FAM149B1: variants seen among roughly 807,000 people sequenced by gnomAD.
FAM149B1 encodes the protein family with sequence similarity 149 member B1, also known as primary cilium assembly protein FAM149B1.
Under a neutral mutation model 75.3 loss-of-function variants are expected in FAM149B1, and 56 were observed. That is an observed-to-expected ratio of 0.74 (90% CI 0.60 to 0.93). The LOEUF (loss-of-function observed/expected upper bound fraction) is 0.93, where lower values mean the gene tolerates loss of function less well. Ranked by LOEUF, FAM149B1 falls within the 40% of genes least tolerant of loss-of-function variation. FAM149B1 has a pLI of 0.00. For missense variants in FAM149B1, 639 were observed against 708.4 expected (o/e 0.90, Z 1.11); for synonymous variants, 259 against 256.1 (o/e 1.01, Z -0.11).
Position 73,239,315 on chromosome 10 carries a change from G to C in FAM149B1, c.1606G>C (p.Asp536His). ...RPNTTQSFLL[D>H]TQYRRSCAVE... ...TGTCTCCTCTTTTGTCTTGTAGCTG[G>C]ATACACAGTATCGTCGCTCATGTGC... The change falls in exon 13 of 14, where the codon GAT becomes CAT. Residue 536 changes from aspartate (D) to histidine (H), a missense_variant. Asp to His is a moderately conservative substitution (Grantham distance 81, BLOSUM62 -1). Coordinates refer to ENST00000242505, the MANE Select transcript of FAM149B1 (RefSeq NM_173348.2). 1.9e-6 allele frequency: 3 copies of C among 1,551,350 alleles called. No homozygotes were observed. The highest frequency in any genetic ancestry group is 2.4e-5 in the South Asian group (2 of 84,042).
At chr10:73,225,457 A>T (rs11000554) in intron 7 of FAM149B1, among the ~76,000 whole-genome samples, 15,562 of 152,270 alleles carry the variant, frequency 0.1, 1,153 homozygotes, top group East Asian at 0.31. Context: ...AAAATTAATT[A>T]AAAAATAGGC....
intron 8 of FAM149B1, among the ~76,000 whole-genome samples, chr10:73,229,172 G>A (rs150486552): frequency 1.7e-3 from 257 of 152,288 alleles, no homozygotes; most frequent in Non-Finnish European, 2.9e-3. Context: ...AGGCAGATGA[G>A]ATTGGTCTTA....
At chr10:73,195,216 C>T (rs1053546175) in intron 5 of FAM149B1, among the ~76,000 whole-genome samples, 13 of 152,008 alleles carry the variant, frequency 8.6e-5, no homozygotes, top group African/African-American at 3.1e-4. Flanking sequence ...CTTTTGGTGC[C>T]TCCTTGGGCT....
intron 3 of FAM149B1, among the ~76,000 whole-genome samples, chr10:73,187,930 A>C (rs1243220831): frequency 1.3e-5 from 2 of 151,630 alleles, no homozygotes; most frequent in Non-Finnish European, 2.9e-5. Flanking sequence ...TAAAAATACA[A>C]AAATTAGCTG....
intron 2 of FAM149B1, among the ~76,000 whole-genome samples, chr10:73,177,559 A>C (rs1180742490): frequency 6.7e-6 from 1 of 150,122 alleles, no homozygotes; most frequent in African/African-American, 2.5e-5. Flanking sequence ...GGGCGACAGC[A>C]TGAGATTCTG....
chr10:73,232,712 T>C (rs1191489033), intron 9 of FAM149B1, among the ~76,000 whole-genome samples: 2 of 152,246 alleles, frequency 1.3e-5, no homozygotes, highest in African/African-American at 4.8e-5. Context: ...ATGTCCATTC[T>C]AGTAAATTAT....
chr10:73,197,922 T>A (rs2042846795), intron 5 of FAM149B1, among the ~76,000 whole-genome samples: 1 of 152,224 alleles, frequency 6.6e-6, no homozygotes. Context: ...AAGGGGCTTA[T>A]CTGTACTTAG....
chr10:73,170,334 C>T (rs2133289293), intron 1 of FAM149B1, among the ~76,000 whole-genome samples: 1 of 152,154 alleles, frequency 6.6e-6, no homozygotes, highest in African/African-American at 2.4e-5. Context: ...GAAACCCTGT[C>T]TCTACTAAAA....
At chr10:73,217,400 C>A (rs1008353880) in intron 7 of FAM149B1, among the ~76,000 whole-genome samples, 11 of 152,172 alleles carry the variant, frequency 7.2e-5, no homozygotes, top group Non-Finnish European at 1.2e-4. Flanking sequence ...CAAACTGTCA[C>A]AAACAGTGGC....
chr10:73,231,639 A>G (rs896190790), intron 9 of FAM149B1, among the ~76,000 whole-genome samples: 1 of 152,070 alleles, frequency 6.6e-6, no homozygotes, highest in Non-Finnish European at 1.5e-5. Flanking sequence ...CTATTTTGGG[A>G]GTGAAATTTA....
chr10:73,201,321 A>G (rs1489939571), intron 5 of FAM149B1: 1 of 184,926 alleles, frequency 5.4e-6, no homozygotes, highest in African/African-American at 2.3e-5. Context: ...GGAATATTTG[A>G]ATCTTGTCTC....
At chr10:73,210,468 A>G (rs1235804250) in intron 7 of FAM149B1, 30 bp downstream of exon 7, 1 of 1,457,572 alleles carries the variant, frequency 6.9e-7, no homozygotes. Flanking sequence ...TAATGTAAAA[A>G]TCAATTGTTT....
chr10:73,218,478 T>C (rs951163568), intron 7 of FAM149B1, among the ~76,000 whole-genome samples: 1 of 152,218 alleles, frequency 6.6e-6, no homozygotes, highest in African/African-American at 2.4e-5. Flanking sequence ...ACTTTTTGGC[T>C]CTTCATGGTA....
chr10:73,193,411 A>G (rs1421484598), intron 4 of FAM149B1, 66 bp from the exon 5 acceptor site: 1 of 1,479,210 alleles, frequency 6.8e-7, no homozygotes, highest in African/African-American at 1.4e-5. Flanking sequence ...TGTCCAAAAT[A>G]TATCTAGATT....
chr10:73,188,679 C>T (rs532386900), intron 3 of FAM149B1, among the ~76,000 whole-genome samples: 2 of 147,838 alleles, frequency 1.4e-5, no homozygotes, highest in East Asian at 2.0e-4. Flanking sequence ...TGCAGGAGGT[C>T]GTGCCACTGC....
intron 5 of FAM149B1, among the ~76,000 whole-genome samples, chr10:73,207,124 T>A (rs1233824119): frequency 1.3e-5 from 2 of 152,100 alleles, no homozygotes; most frequent in African/African-American, 4.8e-5. Flanking sequence ...AGAATCTCTA[T>A]TGGGCAGTGC....
chr10:73,215,001 G>GT (rs1303204475), intron 7 of FAM149B1, among the ~76,000 whole-genome samples: 2 of 151,884 alleles, frequency 1.3e-5, no homozygotes, highest in African/African-American at 2.4e-5. Flanking sequence ...TGTTGTTGTT[G>GT]TTGTTTGTTT....
intron 5 of FAM149B1, among the ~76,000 whole-genome samples, chr10:73,194,900 T>A (rs2042767333): frequency 6.6e-6 from 1 of 151,928 alleles, no homozygotes; most frequent in South Asian, 2.1e-4. Flanking sequence ...GCCAGGCTGG[T>A]CTTGAACTCC....
chr10:73,216,645 A>G (rs770147572), intron 7 of FAM149B1, among the ~76,000 whole-genome samples: 29 of 152,266 alleles, frequency 1.9e-4, no homozygotes, highest in Admixed American at 2.0e-4. Flanking sequence ...ACAGCAGCCT[A>G]TACCAGGGAA....
Sources: allele counts gnomAD v4.1 joint callset (sites outside exome capture counted in the v4.1 genomes callset), GRCh38; gene constraint gnomAD v4.1.1; transcripts MANE v1.5; gene names NCBI Gene and HGNC (gene_info 2026-07-23, HGNC 2026-07-21).